DENND2A: variants seen among roughly 807,000 people sequenced by gnomAD.
DENND2A encodes the protein DENN domain containing 2A.
A neutral mutation model predicts 105.3 loss-of-function variants in DENND2A; 53 were observed. The ratio of observed to expected loss-of-function variants is 0.50; its 90% CI spans 0.40 to 0.63. DENND2A has a LOEUF of 0.63. Ranked by LOEUF, DENND2A falls within the 30% of genes least tolerant of loss-of-function variation. DENND2A has a pLI of 0.00. For missense variants in DENND2A, 1,138 were observed against 1,279.6 expected, an observed-to-expected ratio of 0.89 and a Z score of 1.69; for synonymous variants, 522 against 508.4, an observed-to-expected ratio of 1.03 and a Z score of -0.36.
chr7:140,569,786 T>G, intron 6 of DENND2A, 48 bp from the exon 7 acceptor site: 1 of 1,350,346 alleles, frequency 7.4e-7, no homozygotes, highest in Non-Finnish European at 1.1e-6. Context: ...GCCCACTCTC[T>G]GTGGCAGCTG....
At chr7:140,542,322 T>C (rs1187371209) in intron 14 of DENND2A, among the ~76,000 whole-genome samples, 5 of 152,190 alleles carry the variant, frequency 3.3e-5, no homozygotes, top group Non-Finnish European at 5.9e-5. Context: ...TAGCAAATTA[T>C]TGAATGTGCC....
At chr7:140,519,544 G>A (rs1483528356) in intron 19 of DENND2A, 88 bp downstream of exon 19, 21 of 1,154,196 alleles carry the variant, frequency 1.8e-5, no homozygotes, top group African/African-American at 1.7e-4. Flanking sequence ...TATTCAGGGC[G>A]CTGGCTCCAG....
chr7:140,608,020 A>G (rs1799755588), intron 1 of DENND2A, among the ~76,000 whole-genome samples: 1 of 152,188 alleles, frequency 6.6e-6, no homozygotes, highest in South Asian at 2.1e-4. Flanking sequence ...CAGTTTCCCT[A>G]TAGTTCTCAG....
chr7:140,640,789 C>T lies in DENND2A; in HGVS notation c.-533G>A, dbSNP rs1232906818. ...GCTCGCCCGCGGCCCCTGCCTCCTC[C>T]TGCCGTGGCTCCGCGACGATCTGCG... is the stretch of plus-strand genomic sequence containing the variant. On this transcript the variant is annotated 5_prime_UTR_variant, in exon 1 of 20. Coordinates refer to ENST00000496613, the MANE Select transcript of DENND2A (RefSeq NM_015689.5). This position sits in a 1 kb window ranked among gnomAD's most constrained non-coding sequence, Gnocchi z 4.9. 2.0e-5 allele frequency: 3 copies of T among 151,188 alleles called. No individual in the cohort carries two copies. Among genetic ancestry groups the T allele is most frequent in the African/African-American group, 7.3e-5 (3 of 41,156 alleles). 9.4% of individuals were successfully genotyped at this position (151,188 alleles called of 1,614,324 possible).
Position 140,601,836 on chromosome 7 carries a change from G to A in DENND2A, c.562C>T (p.Pro188Ser), listed in dbSNP as rs775756396. 2.0e-5 allele frequency: 32 copies of A among 1,614,022 alleles called. No homozygotes were observed. The South Asian group carries it at 3.5e-4, about 18-fold the overall frequency. ...TCTGCCTTGTCAGGAGGGCAGTGTGGGGAGTAACAAGTCCCTGGTAACTGG... is the reference window on the plus strand; with the variant it reads ...TCTGCCTTGTCAGGAGGGCAGTGTGAGGAGTAACAAGTCCCTGGTAACTGG... The part of the protein sequence containing the change: ...DPQLPGTCYS[P>S]HCPPDKAEAG... Residue 188 changes from proline to serine, a missense_variant, in exon 3 of 20, where the codon CCA becomes TCA. Physicochemically the swap from Pro to Ser is moderately conservative, Grantham distance 74 (BLOSUM62 -1). Around this residue, in one of 2 missense-constraint regions of DENND2A, gnomAD observed 511 missense variants for 499.9 expected, o/e 1.02. Coordinates refer to ENST00000496613, the MANE Select transcript of DENND2A (RefSeq NM_015689.5).
intron 9 of DENND2A, among the ~76,000 whole-genome samples, chr7:140,560,723 G>C (rs2130574396): frequency 6.6e-6 from 1 of 152,154 alleles, no homozygotes; most frequent in South Asian, 2.1e-4. Context: ...CCTGGGGTCA[G>C]GAGTTTGAGA....
At chr7:140,610,403 A>G (rs1585751177) in intron 1 of DENND2A, among the ~76,000 whole-genome samples, 1 of 152,226 alleles carries the variant, frequency 6.6e-6, no homozygotes, top group East Asian at 1.9e-4. Flanking sequence ...CTTACTCCCA[A>G]TTACGTCTGT....
intron 14 of DENND2A, among the ~76,000 whole-genome samples, chr7:140,530,737 C>CTT (rs199738093): frequency 6.8e-6 from 1 of 146,216 alleles, no homozygotes; most frequent in African/African-American, 2.5e-5. Flanking sequence ...CTGTGTCTTT[C>CTT]TTTTTTTTTT....
chr7:140,584,938 C>T (rs1163282989), intron 5 of DENND2A, among the ~76,000 whole-genome samples: 3 of 152,318 alleles, frequency 2.0e-5, no homozygotes, highest in African/African-American at 7.2e-5. Flanking sequence ...GTGGCTCATG[C>T]CTGTAATCCC....
intron 1 of DENND2A, among the ~76,000 whole-genome samples, chr7:140,611,030 T>A (rs557116204): frequency 3.3e-5 from 5 of 152,198 alleles, no homozygotes; most frequent in Non-Finnish European, 7.3e-5. Context: ...CTGCTTCTGA[T>A]AACAGAGCAC....
intron 1 of DENND2A, among the ~76,000 whole-genome samples, chr7:140,639,277 C>T (rs1202853703): frequency 2.0e-5 from 3 of 151,812 alleles, no homozygotes; most frequent in Non-Finnish European, 2.9e-5. Context: ...GCTTGAACTC[C>T]GGGGGCTGAG....
At chr7:140,608,848 C>G (rs1799786153) in intron 1 of DENND2A, among the ~76,000 whole-genome samples, 1 of 152,092 alleles carries the variant, frequency 6.6e-6, no homozygotes, top group South Asian at 2.1e-4. Context: ...TTCCAGTCAA[C>G]CTGGGGACCC....
At chr7:140,621,328 A>G (rs913606082) in intron 1 of DENND2A, among the ~76,000 whole-genome samples, 1 of 152,122 alleles carries the variant, frequency 6.6e-6, no homozygotes, top group African/African-American at 2.4e-5. Context: ...AGCCACCACC[A>G]GGCCTGGCCC....
intron 1 of DENND2A, among the ~76,000 whole-genome samples, chr7:140,614,726 C>A (rs1015641304): frequency 2.0e-5 from 3 of 152,162 alleles, no homozygotes; most frequent in Non-Finnish European, 4.4e-5. Flanking sequence ...GCAAACATAT[C>A]TAGAAGTTAT....
chr7:140,536,303 C>T (rs1420601902), intron 14 of DENND2A, among the ~76,000 whole-genome samples: 1 of 151,532 alleles, frequency 6.6e-6, no homozygotes, highest in African/African-American at 2.4e-5. Flanking sequence ...TGCAGTGAGC[C>T]GAGATCATGC....
chr7:140,588,807 A>G (rs1798893493), intron 3 of DENND2A, among the ~76,000 whole-genome samples: 1 of 143,018 alleles, frequency 7.0e-6, no homozygotes, highest in African/African-American at 2.7e-5. Flanking sequence ...CAGTGGCATG[A>G]TCTTGGATCA....
In DENND2A at chr7:140,624,481, A is replaced by G. The variant is rs35994844; in HGVS notation, c.-248+16023T>C. On this transcript the variant is annotated intron_variant, in intron 1 of 19. Transcript: ENST00000496613. ...GGACGCCAGGGCTGCAGGTGACAACACTGTGGCCCAGGGGGGTTTTGGCTC... is the reference window on the plus strand; with the variant it reads ...GGACGCCAGGGCTGCAGGTGACAACGCTGTGGCCCAGGGGGGTTTTGGCTC... Among the ~76,000 whole-genome samples the G allele has an allele frequency of 2.0e-5, 3 of 152,304 alleles. No homozygotes were observed. In the South Asian group the frequency reaches 6.2e-4, roughly 32 times the overall value.
At chr7:140,627,043 A>G (rs1180355811) in intron 1 of DENND2A, among the ~76,000 whole-genome samples, 1 of 152,202 alleles carries the variant, frequency 6.6e-6, no homozygotes, top group African/African-American at 2.4e-5. Context: ...AGAGACTGGT[A>G]AGGATTAGAT....
intron 12 of DENND2A, among the ~76,000 whole-genome samples, chr7:140,554,735 T>G (rs1031708251): frequency 6.6e-6 from 1 of 152,202 alleles, no homozygotes; most frequent in Admixed American, 6.5e-5. Flanking sequence ...TCATATAGGA[T>G]AGTAATTCTC....
Sources: allele counts gnomAD v4.1 joint callset (sites outside exome capture counted in the v4.1 genomes callset), GRCh38; gene constraint gnomAD v4.1.1; regional missense constraint gnomAD v4.1.1; non-coding constraint Gnocchi (gnomAD v3.1); transcripts MANE v1.5; gene names NCBI Gene and HGNC (gene_info 2026-07-23, HGNC 2026-07-21).